TET1: variants seen among roughly 807,000 people sequenced by gnomAD.
The protein encoded by TET1 is tet methylcytosine dioxygenase 1.
In TET1, 13 loss-of-function variants were observed where a neutral mutation model predicts 148.7. That is an observed-to-expected ratio of 0.09 (90% CI 0.06 to 0.14). The LOEUF is 0.14. Among genes scored for constraint, TET1 ranks in the 10% least tolerant of loss-of-function variants. TET1 has a pLI of 1.00. For missense variants in TET1, 2,182 were observed against 2,553.8 expected (o/e 0.85, Z 3.14); for synonymous variants, 907 against 937.2 (o/e 0.97, Z 0.59).
In TET1 at chr10:68,693,755, A is replaced by T. The variant is rs905189178; in HGVS notation, c.*1941A>T. Reference sequence around the variant, plus strand: ...TTATTGCTTCAGCTGCTTCAACAAGATATTTACTAGTATTAGACTATCAGG... The same window carrying T: ...TTATTGCTTCAGCTGCTTCAACAAGTTATTTACTAGTATTAGACTATCAGG... On this transcript the variant is annotated 3_prime_UTR_variant, in exon 12 of 12. Coordinates refer to ENST00000373644, the MANE Select transcript of TET1 (RefSeq NM_030625.3). 1 of 231,624 alleles carries T rather than the reference A, an allele frequency of 4.3e-6. No homozygotes were observed. Among genetic ancestry groups the T allele is most frequent in the African/African-American group, 2.2e-5 (1 of 45,288 alleles). The allele number at this position is 231,624 out of a possible 1,614,324, so 14.3% of individuals were successfully genotyped here.
At chr10:68,622,517 C>T (rs1564973545) in intron 3 of TET1, among the ~76,000 whole-genome samples, 1 of 151,954 alleles carries the variant, frequency 6.6e-6, no homozygotes, top group Admixed American at 6.6e-5. Context: ...CTGCCTGCCT[C>T]GGCCTCCCAA....
intron 2 of TET1, among the ~76,000 whole-genome samples, chr10:68,594,804 C>A (rs978206402): frequency 1.3e-5 from 2 of 151,932 alleles, no homozygotes; most frequent in Non-Finnish European, 1.5e-5. Flanking sequence ...CATAGTGAAA[C>A]CCTAACTCTA....
At chr10:68,575,886 G>A (rs1222172575) in intron 2 of TET1, among the ~76,000 whole-genome samples, 2 of 151,036 alleles carry the variant, frequency 1.3e-5, no homozygotes, top group Non-Finnish European at 2.9e-5. Flanking sequence ...CGGGCGTGAC[G>A]GCGTGCGCCT....
intron 10 of TET1, among the ~76,000 whole-genome samples, chr10:68,683,399 C>T (rs1241346646): frequency 1.3e-5 from 2 of 152,200 alleles, no homozygotes; most frequent in Non-Finnish European, 2.9e-5. Context: ...CTGCCTTAGC[C>T]TCCCAAGTAG....
intron 2 of TET1, among the ~76,000 whole-genome samples, chr10:68,598,800 C>T (rs542342780): frequency 1.5e-4 from 22 of 150,308 alleles, no homozygotes; most frequent in African/African-American, 4.9e-4. Flanking sequence ...AAGCGATTCT[C>T]CTGTCTCAGC....
chr10:68,680,987 A>ACT (rs556275450), intron 8 of TET1, among the ~76,000 whole-genome samples: 1 of 152,020 alleles, frequency 6.6e-6, no homozygotes, highest in Admixed American at 6.6e-5. Flanking sequence ...TTATGTATGT[A>ACT]CTCTCTCTTC....
At chr10:68,613,152 C>G (rs537963612) in intron 3 of TET1, among the ~76,000 whole-genome samples, 1 of 152,114 alleles carries the variant, frequency 6.6e-6, no homozygotes, top group Non-Finnish European at 1.5e-5. Flanking sequence ...ATTGATCCAG[C>G]GTTGATAGTC....
At chr10:68,572,120 AAAAAT>A in intron 1 of TET1, 92 bp from the exon 2 acceptor site, 2 of 477,484 alleles carry the variant, frequency 4.2e-6, no homozygotes, top group Non-Finnish European at 7.3e-6. Context: ...CCTGTCTCAA[AAAAAT>A]AAAATAAAAC....
In TET1 at chr10:68,645,361, T is replaced by G. The variant is rs1450452283; in HGVS notation, c.2632T>G (p.Leu878Val). The change falls in exon 4 of 12, where the codon TTA (leucine) becomes GTA (valine). Residue 878 changes from leucine (L) to valine (V), a missense_variant. Around this residue, in one of 11 missense-constraint regions of TET1, gnomAD observed 582 missense variants for 599.5 expected, o/e 0.97. Coordinates refer to ENST00000373644, the MANE Select transcript of TET1 (RefSeq NM_030625.3). ...KDGSPVQPSL[L>V]SLMKDRRLTL... ...TGGATCTCCCGTTCAACCAAGTCTC[T>G]TATCGTTAATGAAAGATAGGAGATT... The G allele has an allele frequency of 1.9e-6, 3 of 1,614,046 alleles. No individual in the cohort carries two copies. In the Admixed American group the frequency reaches 5.0e-5, roughly 27 times the overall value.
chr10:68,594,811 T>A (rs923721205), intron 2 of TET1, among the ~76,000 whole-genome samples: 2 of 151,866 alleles, frequency 1.3e-5, no homozygotes, highest in Non-Finnish European at 2.9e-5. Flanking sequence ...AAACCCTAAC[T>A]CTATTGAAAA....
intron 3 of TET1, among the ~76,000 whole-genome samples, chr10:68,643,622 A>G (rs1589106217): frequency 6.6e-6 from 1 of 151,938 alleles, no homozygotes; most frequent in African/African-American, 2.4e-5. Context: ...GGAGTCCAAG[A>G]CCAGCCTGGC....
intron 3 of TET1, among the ~76,000 whole-genome samples, chr10:68,638,486 A>G (rs2054688050): frequency 6.6e-6 from 1 of 152,194 alleles, no homozygotes; most frequent in African/African-American, 2.4e-5. Context: ...ATTGGGTCAC[A>G]GTACCCAAAT....
intron 2 of TET1, among the ~76,000 whole-genome samples, chr10:68,579,259 A>T (rs2053765937): frequency 6.6e-6 from 1 of 152,214 alleles, no homozygotes; most frequent in South Asian, 2.1e-4. Context: ...TCTTTCTCAA[A>T]CCTGCTCTTT....
At chr10:68,637,868 CAAAA>C (rs1288080594) in intron 3 of TET1, among the ~76,000 whole-genome samples, 1 of 126,012 alleles carries the variant, frequency 7.9e-6, no homozygotes. Flanking sequence ...GACTCCGTCT[CAAAA>C]AAAAAAAAAA....
chr10:68,617,006 C>CTT lies in TET1; in HGVS notation c.1968+16009_1968+16010dup, dbSNP rs71019039. Among the ~76,000 whole-genome samples the CTT allele has an allele frequency of 6.6e-4, 26 of 39,614 alleles. 5 individuals carry two copies. The highest frequency in any genetic ancestry group is 9.1e-4 in the Non-Finnish European group (20 of 22,018). 26.0% of individuals were successfully genotyped at this position (39,614 alleles called of 152,430 possible). Reference sequence around the variant, plus strand: ...ACAGGCATGAGCCACCGCGCCTGGCCTTTTTTTTTTTTTTTTTTTTTTTTT... The same window carrying CTT: ...ACAGGCATGAGCCACCGCGCCTGGCCTTTTTTTTTTTTTTTTTTTTTTTTTTT... On this transcript the variant is annotated intron_variant, in intron 3 of 11. Transcript: ENST00000373644.
At chr10:68,608,205 G>T (rs1038989152) in intron 3 of TET1, among the ~76,000 whole-genome samples, 1 of 151,988 alleles carries the variant, frequency 6.6e-6, no homozygotes, top group Non-Finnish European at 1.5e-5. Flanking sequence ...TGGGATTATA[G>T]GCATGAGCCA....
chr10:68,609,274 G>A (rs1172546736), intron 3 of TET1, among the ~76,000 whole-genome samples: 1 of 152,062 alleles, frequency 6.6e-6, no homozygotes, highest in African/African-American at 2.4e-5. Context: ...TGATTCTCCT[G>A]CCTCACCCTC....
chr10:68,640,115 C>T (rs1402920587), intron 3 of TET1, among the ~76,000 whole-genome samples: 3 of 151,770 alleles, frequency 2.0e-5, no homozygotes, highest in Non-Finnish European at 2.9e-5. Flanking sequence ...TTAGTAGAAC[C>T]GGGGTTTCAC....
chr10:68,596,027 C>CATATATATATATATATATATATATAT (rs1554932889), intron 2 of TET1, among the ~76,000 whole-genome samples: 4 of 61,732 alleles, frequency 6.5e-5, no homozygotes, highest in African/African-American at 2.8e-4. Flanking sequence ...CACACACACA[C>CATATATATATATATATATATATATAT]ATATATATAT....
Sources: gnomAD v4.1 joint callset for allele counts (sites outside exome capture counted in the v4.1 genomes callset) on GRCh38, gnomAD v4.1.1 for gene constraint, gnomAD v4.1.1 regional missense constraint, MANE v1.5 for transcripts, NCBI Gene and HGNC (gene_info 2026-07-23, HGNC 2026-07-21) for gene names.